The following MCC variants were observed in gnomAD, a reference collection of about 807,000 sequenced individuals.
MCC encodes MCC regulator of Wnt signaling pathway.
A neutral mutation model predicts 116.2 loss-of-function variants in MCC; 90 were observed. The ratio of observed to expected loss-of-function variants is 0.77; its 90% CI spans 0.65 to 0.92. The LOEUF (loss-of-function observed/expected upper bound fraction) is 0.92. MCC is among the 40% of genes least tolerant of loss of function. MCC has a pLI of 0.00. For missense variants in MCC, 1,516 were observed against 1,312.2 expected, an observed-to-expected ratio of 1.16 and a Z score of -2.40; for synonymous variants, 578 against 510.5, an observed-to-expected ratio of 1.13 and a Z score of -1.78.
intron 1 of MCC, among the ~76,000 whole-genome samples, chr5:113,447,749 C>G (rs1434771993): frequency 6.6e-6 from 1 of 152,182 alleles, no homozygotes; most frequent in African/African-American, 2.4e-5. Context: ...TGCTCTGACT[C>G]TCAAAGATGC....
intron 1 of MCC, among the ~76,000 whole-genome samples, chr5:113,413,637 T>C (rs1770056618): frequency 6.6e-6 from 1 of 152,202 alleles, no homozygotes; most frequent in African/African-American, 2.4e-5. Flanking sequence ...TCATTTTTTA[T>C]TGCATCTATT....
At chr5:113,482,094 C>T (rs1675328242) in intron 1 of MCC, among the ~76,000 whole-genome samples, 1 of 152,124 alleles carries the variant, frequency 6.6e-6, no homozygotes, top group African/African-American at 2.4e-5. Flanking sequence ...TGTATTAGTA[C>T]CTCATTCCTT....
chr5:113,114,587 C>T (rs111977429), intron 6 of MCC, among the ~76,000 whole-genome samples: 1 of 152,186 alleles, frequency 6.6e-6, no homozygotes, highest in Non-Finnish European at 1.5e-5. Context: ...CCCCGCCCCC[C>T]ATCCTATACC....
chr5:113,435,007 CT>C, intron 1 of MCC: 1 of 766,112 alleles, frequency 1.3e-6, no homozygotes, highest in Non-Finnish European at 2.0e-6. Flanking sequence ...TTGGCACTGT[CT>C]CCCAGATGAC....
intron 5 of MCC, among the ~76,000 whole-genome samples, chr5:113,124,785 A>G (rs1757947524): frequency 6.6e-6 from 1 of 152,242 alleles, no homozygotes; most frequent in Non-Finnish European, 1.5e-5. Context: ...TTCCCATTCA[A>G]TGTATTTGAG....
At chr5:113,190,408 G>A (rs369298841) in intron 3 of MCC, among the ~76,000 whole-genome samples, 22 of 152,236 alleles carry the variant, frequency 1.4e-4, no homozygotes, top group African/African-American at 4.6e-4. Flanking sequence ...AATCACATGC[G>A]GAAGGAGGGG....
chr5:113,345,864 T>C (rs768191981), intron 2 of MCC, among the ~76,000 whole-genome samples: 5 of 152,098 alleles, frequency 3.3e-5, no homozygotes, highest in Non-Finnish European at 7.4e-5. Context: ...CAGGAAAACA[T>C]GACTTCACCC....
intron 15 of MCC, among the ~76,000 whole-genome samples, chr5:113,051,005 C>G (rs1752447163): frequency 6.6e-6 from 1 of 152,222 alleles, no homozygotes; most frequent in Admixed American, 6.5e-5. Context: ...CTCTCAGGCT[C>G]TGTGTGGGAA....
intron 1 of MCC, among the ~76,000 whole-genome samples, chr5:113,454,428 T>G (rs1488138734): frequency 2.0e-5 from 3 of 152,174 alleles, no homozygotes; most frequent in African/African-American, 7.2e-5. Flanking sequence ...TCATATAATT[T>G]AGTAAGTTTG....
intron 14 of MCC, among the ~76,000 whole-genome samples, chr5:113,061,673 G>A (rs1312361499): frequency 6.6e-6 from 1 of 152,190 alleles, no homozygotes; most frequent in Admixed American, 6.5e-5. Context: ...CCTGTCGTTA[G>A]GAGCTGCCTA....
At chr5:113,232,516 G>A (rs564203300) in intron 3 of MCC, among the ~76,000 whole-genome samples, 36 of 152,034 alleles carry the variant, frequency 2.4e-4, no homozygotes, top group African/African-American at 8.0e-4. Context: ...GAATTCGCAC[G>A]CCCAAAAAAG....
At chr5:113,054,948 G>A (rs191604423) in intron 14 of MCC, among the ~76,000 whole-genome samples, 139 of 152,292 alleles carry the variant, frequency 9.1e-4, no homozygotes, top group African/African-American at 3.1e-3. Context: ...CACTCCACTC[G>A]GTTGAGGACT....
intron 16 of MCC, among the ~76,000 whole-genome samples, chr5:113,046,651 C>A (rs1752092333): frequency 7.6e-6 from 1 of 130,846 alleles, no homozygotes. Context: ...CACTAGCGCT[C>A]TGTCTCTAAC....
intron 1 of MCC, among the ~76,000 whole-genome samples, chr5:113,408,869 G>A (rs746645370): frequency 2.5e-4 from 38 of 152,198 alleles, no homozygotes; most frequent in Non-Finnish European, 5.1e-4. Context: ...AGGGCAGATG[G>A]CCTAGCCTGT....
chr5:113,275,230 T>C (rs926251126), intron 3 of MCC, among the ~76,000 whole-genome samples: 1 of 152,212 alleles, frequency 6.6e-6, no homozygotes, highest in Non-Finnish European at 1.5e-5. Context: ...ACTCTGACTC[T>C]AAGAGCTAAA....
intron 6 of MCC, among the ~76,000 whole-genome samples, chr5:113,114,233 A>C (rs1757270036): frequency 6.6e-6 from 1 of 152,250 alleles, no homozygotes; most frequent in Non-Finnish European, 1.5e-5. Context: ...TTTTTAAAAT[A>C]AAAAGTTGAG....
chr5:113,159,293 C>T (rs561863112), intron 3 of MCC, among the ~76,000 whole-genome samples: 9 of 152,324 alleles, frequency 5.9e-5, no homozygotes, highest in African/African-American at 2.2e-4. Context: ...TATTTGTCCA[C>T]TGGTCCCAGA....
At chr5:113,290,911 G>A (rs376431979) in intron 3 of MCC, among the ~76,000 whole-genome samples, 23 of 152,078 alleles carry the variant, frequency 1.5e-4, no homozygotes, top group African/African-American at 4.1e-4. Flanking sequence ...AACAGCTATA[G>A]CCAAGAAAAA....
intron 1 of MCC, among the ~76,000 whole-genome samples, chr5:113,459,133 A>ATGTGTGTG (rs542497591): frequency 0.056 from 3,848 of 68,290 alleles, 197 homozygotes; most frequent in African/African-American, 0.079. Flanking sequence ...GAGTAAGGAT[A>ATGTGTGTG]TGTGTGTGTG....
Sources: gnomAD v4.1 joint callset for allele counts (sites outside exome capture counted in the v4.1 genomes callset) on GRCh38, gnomAD v4.1.1 for gene constraint, MANE v1.5 for transcripts, NCBI Gene and HGNC (gene_info 2026-07-23, HGNC 2026-07-21) for gene names.